The following DYDC1 variants were observed in gnomAD, a reference collection of about 807,000 sequenced individuals.
DYDC1 encodes the protein DPY30 domain-containing protein 1.
Under a neutral mutation model 27.9 loss-of-function variants are expected in DYDC1, and 21 were observed. That is an observed-to-expected ratio of 0.75 (90% CI 0.53 to 1.08). DYDC1 has a LOEUF of 1.08. DYDC1 is among the 50% of genes least tolerant of loss of function. The pLI is 0.00. For missense variants in DYDC1, 202 were observed against 205.9 expected, an observed-to-expected ratio of 0.98 and a Z score of 0.12; for synonymous variants, 67 against 65.8, an observed-to-expected ratio of 1.02 and a Z score of -0.09.
At chr10:80,338,402 C>T (rs765602329) in intron 6 of DYDC1, 65 bp downstream of exon 6, 3 of 1,590,942 alleles carry the variant, frequency 1.9e-6, no homozygotes, top group Non-Finnish European at 2.6e-6. Flanking sequence ...TAGGCTTTAC[C>T]TAAGTAAAAA....
chr10:80,338,694 G>A, intron 5 of DYDC1, 123 bp from the exon 6 acceptor site: 1 of 1,000,352 alleles, frequency 1.0e-6, no homozygotes, highest in Non-Finnish European at 1.3e-6. Flanking sequence ...TTAATTAGTG[G>A]AATTAACCAA....
chr10:80,351,843 C>T, intron 3 of DYDC1, 58 bp downstream of exon 3: 1 of 1,498,276 alleles, frequency 6.7e-7, no homozygotes, highest in African/African-American at 1.4e-5. Flanking sequence ...TAGGCTGTGC[C>T]ATGCTGAGGT....
chr10:80,341,442 C>CAAAAAAAAAAAA (rs58419721), intron 4 of DYDC1, among the ~76,000 whole-genome samples: 1 of 46,802 alleles, frequency 2.1e-5, no homozygotes, highest in Admixed American at 2.2e-4. Context: ...GACTCTGTCT[C>CAAAAAAAAAAAA]AAAAAAAAAA....
rs546684449 is a variant in DYDC1, at chr10:80,338,363, A to T, written c.504+104T>A. On this transcript the variant is annotated intron_variant, in intron 6 of 6. Transcript: ENST00000372202. ...CTCTGAAGCAAAAGGCCTATTTGCCAACCAATCCTGGCCTAGCCTCATTTT... is the reference window on the plus strand; with the variant it reads ...CTCTGAAGCAAAAGGCCTATTTGCCTACCAATCCTGGCCTAGCCTCATTTT... 2.1e-6 allele frequency: 3 copies of T among 1,460,028 alleles called. No individual in the cohort carries two copies. In the African/African-American group the frequency reaches 4.4e-5, roughly 21 times the overall value. 90.4% of individuals were successfully genotyped at this position (1,460,028 alleles called of 1,614,324 possible). A position where few individuals can be genotyped will look rare whatever the true frequency, so the allele number is the denominator to read the frequency against.
intron 6 of DYDC1, 90 bp downstream of exon 6, chr10:80,338,377 T>C: frequency 1.3e-6 from 2 of 1,542,838 alleles, no homozygotes; most frequent in Non-Finnish European, 1.7e-6. Context: ...AATCCTGGCC[T>C]AGCCTCATTT....
At chr10:80,340,806 C>T (rs1300561311) in intron 4 of DYDC1, among the ~76,000 whole-genome samples, 1 of 152,088 alleles carries the variant, frequency 6.6e-6, no homozygotes, top group African/African-American at 2.4e-5. Context: ...TTGAGATATC[C>T]ATCACCTTAA....
At chr10:80,343,069 A>G (rs1351350706) in intron 3 of DYDC1, among the ~76,000 whole-genome samples, 1 of 152,128 alleles carries the variant, frequency 6.6e-6, no homozygotes, top group African/African-American at 2.4e-5. Flanking sequence ...AACTCAGCAT[A>G]TCTGTCACAC....
rs574829835 is a variant in DYDC1, at chr10:80,354,941, A to G, written c.-10+1771T>C. Among the ~76,000 whole-genome samples, 11 of 152,280 alleles carry G rather than the reference A, an allele frequency of 7.2e-5. 1 individual carries two copies. In the South Asian group the frequency reaches 2.3e-3, roughly 32 times the overall value. ...CAGTCTCTGCCTTCATGGAGCTTAT[A>G]GATGAGAAAGGAAGATAAATATTTA... On this transcript the variant is annotated intron_variant, in intron 1 of 6. Coordinates refer to ENST00000372202, the MANE Select transcript of DYDC1 (RefSeq NM_001269053.2).
chr10:80,348,217 T>C (rs539691517), intron 3 of DYDC1, among the ~76,000 whole-genome samples: 2 of 152,330 alleles, frequency 1.3e-5, no homozygotes, highest in South Asian at 4.1e-4. Context: ...TTTGAAGCTA[T>C]TATAAATAAG....
chr10:80,346,067 C>T (rs967600448), intron 3 of DYDC1, among the ~76,000 whole-genome samples: 3 of 152,146 alleles, frequency 2.0e-5, no homozygotes, highest in African/African-American at 7.2e-5. Flanking sequence ...AAGCTGGTCT[C>T]GAACTCTGGA....
In DYDC1 at chr10:80,345,508, T is replaced by C. The variant is rs549193021; in HGVS notation, c.250-3147A>G. Among the ~76,000 whole-genome samples, 28 of 152,332 alleles carry C rather than the reference T, an allele frequency of 1.8e-4. No homozygotes were observed. The South Asian group carries it at 4.1e-3, about 23-fold the overall frequency. On this transcript the variant is annotated intron_variant, in intron 3 of 6. Coordinates refer to ENST00000372202, the MANE Select transcript of DYDC1 (RefSeq NM_001269053.2). Reference sequence around the variant, plus strand: ...TGGCTATCATCCTCATGCTGTACTTTAGATCTCTACATTTATTCATACTAC... The same window carrying C: ...TGGCTATCATCCTCATGCTGTACTTCAGATCTCTACATTTATTCATACTAC...
rs12218900 is a variant in DYDC1 at position 80,355,669 on chromosome 10, C to G, written c.-10+1043G>C. Among the ~76,000 whole-genome samples the G allele has an allele frequency of 3.9e-5, 6 of 152,172 alleles. 1 individual carries two copies. The highest frequency in any genetic ancestry group is 3.9e-4 in the Admixed American group (6 of 15,286). ...GAATGAAGAAACTAGAGAGTGATCT[C>G]TAAGACACAGAATAAAGAAAACGAG... On this transcript the variant is annotated intron_variant, in intron 1 of 6. Transcript: ENST00000372202.
Position 80,352,556 on chromosome 10 carries a change from G to C in DYDC1, c.46C>G (p.Gln16Glu). 6.2e-7 allele frequency: 1 copy of C among 1,613,340 alleles called. No individual in the cohort carries two copies. Among genetic ancestry groups the C allele is most frequent in the Non-Finnish European group, 8.5e-7 (1 of 1,179,750 alleles). ...ACTCTTGCCACTTCTGCAAGACCTTGAGTTAAACAGGCCCCAAGGTGCTTT... is the reference window on the plus strand; with the variant it reads ...ACTCTTGCCACTTCTGCAAGACCTTCAGTTAAACAGGCCCCAAGGTGCTTT... Reference protein sequence around the residue: ...LQKHLGACLTQGLAEVARVRP... With the variant: ...LQKHLGACLTEGLAEVARVRP... The change falls in exon 2 of 7, where the codon CAA (glutamine) becomes GAA (glutamate). Residue 16 changes from glutamine (Q) to glutamate (E), a missense_variant. Physicochemically the swap from Gln to Glu is conservative, Grantham distance 29 (BLOSUM62 2). Transcript: ENST00000372202.
At chr10:80,355,539 T>C (rs570237820) in intron 1 of DYDC1, among the ~76,000 whole-genome samples, 4 of 152,220 alleles carry the variant, frequency 2.6e-5, no homozygotes, top group South Asian at 4.2e-4. Flanking sequence ...CACACAGTTA[T>C]TTGCAGCATT....
chr10:80,345,898 C>T (rs922116639), intron 3 of DYDC1, among the ~76,000 whole-genome samples: 13 of 152,294 alleles, frequency 8.5e-5, no homozygotes, highest in African/African-American at 2.9e-4. Flanking sequence ...TGCTCTGTCA[C>T]CCAGGTGGGA....
intron 3 of DYDC1, among the ~76,000 whole-genome samples, chr10:80,347,273 A>T (rs7087636): frequency 0.81 from 86,990 of 107,976 alleles, 34,327 homozygotes; most frequent in East Asian, 0.96. Context: ...TTTAATTGGG[A>T]TCCTTTTTTT....
chr10:80,356,210 T>C, intron 1 of DYDC1: 1 of 972,018 alleles, frequency 1.0e-6, no homozygotes, highest in Non-Finnish European at 1.2e-6. Flanking sequence ...ACGAGGATAA[T>C]ACCCATCTCT....
intron 6 of DYDC1, chr10:80,336,505 A>C (rs1025603942): frequency 4.7e-6 from 1 of 214,894 alleles, no homozygotes; most frequent in South Asian, 1.7e-4. Flanking sequence ...CACACACTGC[A>C]CTCTCTCCTA....
chr10:80,351,816 G>C, intron 3 of DYDC1, 85 bp downstream of exon 3: 1 of 1,184,744 alleles, frequency 8.4e-7, no homozygotes, highest in Non-Finnish European at 1.2e-6. Flanking sequence ...ACTGGAGCTG[G>C]GAAGTTTATC....
Sources: allele counts gnomAD v4.1 joint callset (sites outside exome capture counted in the v4.1 genomes callset), GRCh38; gene constraint gnomAD v4.1.1; transcripts MANE v1.5; gene names NCBI Gene and HGNC (gene_info 2026-07-23, HGNC 2026-07-21).